Variants in SRD5A1 observed in about 807,000 individuals in gnomAD.
SRD5A1 encodes the protein 3-oxo-5-alpha-steroid 4-dehydrogenase 1.
Under a neutral mutation model 28.2 loss-of-function variants are expected in SRD5A1, and 22 were observed. That is an observed-to-expected ratio of 0.78 (90% CI 0.56 to 1.12). The LOEUF (loss-of-function observed/expected upper bound fraction) is 1.12. Ranked by LOEUF, SRD5A1 falls within the 50% of genes most tolerant of loss-of-function variation. The probability of loss-of-function intolerance (pLI) is 0.00; values close to 1 mark genes in which losing one functional copy is unlikely to be tolerated. For missense variants in SRD5A1, 300 were observed against 346.7 expected (o/e 0.87, Z 1.07); for synonymous variants, 151 against 135.0 (o/e 1.12, Z -0.82).
chr5:6,637,296 T>G (rs1392328133), intron 1 of SRD5A1, among the ~76,000 whole-genome samples: 1 of 152,290 alleles, frequency 6.6e-6, no homozygotes, highest in Admixed American at 6.5e-5. Context: ...GCATTTACCC[T>G]GTTCCCTGGC....
intron 1 of SRD5A1, among the ~76,000 whole-genome samples, chr5:6,644,433 G>A (rs1738448304): frequency 6.6e-6 from 1 of 151,996 alleles, no homozygotes; most frequent in Non-Finnish European, 1.5e-5. Context: ...CCTCTATCCT[G>A]CAGTTTGCCT....
At chr5:6,648,352 G>A (rs887019104) in intron 1 of SRD5A1, among the ~76,000 whole-genome samples, 1 of 152,152 alleles carries the variant, frequency 6.6e-6, no homozygotes, top group Non-Finnish European at 1.5e-5. Context: ...AAGTTCTCCT[G>A]GATAATATCC....
At chr5:6,656,045 A>T in intron 2 of SRD5A1, 33 bp from the exon 3 acceptor site, 1 of 1,544,560 alleles carries the variant, frequency 6.5e-7, no homozygotes, top group Non-Finnish European at 9.0e-7. Flanking sequence ...ACGGTTTATT[A>T]GCCATAATCA....
At position 6,669,120 on chromosome 5, in the gene SRD5A1, T is replaced by G. The variant is rs1385645663; in HGVS notation, c.*852T>G. 1 of 152,276 alleles carries G rather than the reference T, an allele frequency of 6.6e-6. No individual in the cohort carries two copies. Among genetic ancestry groups the G allele is most frequent in the Non-Finnish European group, 1.5e-5 (1 of 68,060 alleles). 9.4% of individuals were successfully genotyped at this position (152,276 alleles called of 1,614,324 possible). On this transcript the variant is annotated 3_prime_UTR_variant, in exon 5 of 5. Transcript: ENST00000274192. ...CGTATGGATATAGTAGAGATTGTTG[T>G]CTGTGAAATTTCTCTTTTGTAGATT...
chr5:6,659,400 A>C (rs1738936328), intron 3 of SRD5A1, among the ~76,000 whole-genome samples: 1 of 152,246 alleles, frequency 6.6e-6, no homozygotes, highest in African/African-American at 2.4e-5. Context: ...GGCGTGAGCC[A>C]CCGTGCCCGG....
rs1739439956 is a variant in SRD5A1 at position 6,674,133 on chromosome 5, TTTAC to T, written c.*5869_*5872del. 6.6e-6 allele frequency: 1 copy of T among 151,726 alleles called. No homozygotes were observed. Among genetic ancestry groups the T allele is most frequent in the Non-Finnish European group, 1.5e-5 (1 of 67,912 alleles). 9.4% of individuals were successfully genotyped at this position (151,726 alleles called of 1,614,324 possible). A position where few individuals can be genotyped will look rare whatever the true frequency, so the allele number is the denominator to read the frequency against. Reference sequence around the variant, plus strand: ...ATATTATTTAATTAAAATGATTTATTTTACTTATTTTCATTATTATCTAAAATGT... The same window carrying T: ...ATATTATTTAATTAAAATGATTTATTTTATTTTCATTATTATCTAAAATGT... On this transcript the variant is annotated 3_prime_UTR_variant, in exon 5 of 5. Transcript: ENST00000274192.
intron 4 of SRD5A1, among the ~76,000 whole-genome samples, chr5:6,665,850 A>G (rs928777265): frequency 1.3e-5 from 2 of 152,238 alleles, no homozygotes; most frequent in African/African-American, 2.4e-5. Flanking sequence ...TATCTAAATG[A>G]AAGTCTTTGC....
chr5:6,639,934 T>A (rs1274751182), intron 1 of SRD5A1, among the ~76,000 whole-genome samples: 6 of 152,240 alleles, frequency 3.9e-5, no homozygotes, highest in African/African-American at 1.4e-4. Flanking sequence ...TTGCTTTTAA[T>A]AAGTTTTTTT....
At chr5:6,646,698 C>G (rs1039175821) in intron 1 of SRD5A1, among the ~76,000 whole-genome samples, 6 of 151,968 alleles carry the variant, frequency 3.9e-5, no homozygotes, top group Non-Finnish European at 8.8e-5. Context: ...AGCAGTCTAT[C>G]TATTTTGTTG....
intron 1 of SRD5A1, among the ~76,000 whole-genome samples, chr5:6,645,994 G>A (rs1463157522): frequency 1.3e-5 from 2 of 151,480 alleles, no homozygotes; most frequent in South Asian, 2.1e-4. Flanking sequence ...TCCTTCCCCC[G>A]ATCCCCCACC....
At chr5:6,640,710 A>G (rs935132705) in intron 1 of SRD5A1, among the ~76,000 whole-genome samples, 2 of 152,182 alleles carry the variant, frequency 1.3e-5, no homozygotes, top group Non-Finnish European at 1.5e-5. Context: ...AAATTATAAC[A>G]TGACAGAGAA....
In SRD5A1 at chr5:6,633,662, C is replaced by T. The variant is rs1394495927; in HGVS notation, c.86C>T (p.Ala29Val). ...LQCAVGCAVF[A>V]RNRQTNSVYG... ...TGCGCCGTGGGCTGCGCGGTCTTCG[C>T]GCGCAATCGTCAGACGAACTCAGTG... is the stretch of plus-strand genomic sequence containing the variant. Residue 29 changes from alanine (A) to valine (V), a missense_variant, in exon 1 of 5, where the codon GCG (alanine) becomes GTG (valine). Around this residue, in one of 2 missense-constraint regions of SRD5A1, gnomAD observed 174 missense variants for 160.9 expected, o/e 1.08. Transcript: ENST00000274192. 1 of 1,577,668 alleles carries T rather than the reference C, an allele frequency of 6.3e-7. No individual in the cohort carries two copies. Among genetic ancestry groups the T allele is most frequent in the Non-Finnish European group, 8.6e-7 (1 of 1,169,534 alleles).
chr5:6,633,891 C>A, intron 1 of SRD5A1, 22 bp downstream of exon 1: 3 of 1,594,782 alleles, frequency 1.9e-6, no homozygotes, highest in Non-Finnish European at 2.5e-6. Context: ...GGCCCCCGGC[C>A]CCCTACCCTA....
At chr5:6,636,218 T>C (rs1250204270) in intron 1 of SRD5A1, among the ~76,000 whole-genome samples, 5 of 152,170 alleles carry the variant, frequency 3.3e-5, no homozygotes, top group Admixed American at 6.5e-5. Flanking sequence ...TTGATCTAAG[T>C]CATGAGCACT....
At chr5:6,666,806 C>T (rs1409665387) in intron 4 of SRD5A1, among the ~76,000 whole-genome samples, 2 of 152,128 alleles carry the variant, frequency 1.3e-5, no homozygotes, top group African/African-American at 4.8e-5. Flanking sequence ...GGTGGGGGGG[C>T]GCGTTTTCTC....
rs140513363 is a variant in SRD5A1, at chr5:6,637,795, G to A, written c.293+3926G>A. On this transcript the variant is annotated intron_variant, in intron 1 of 4. Transcript: ENST00000274192. ...CAGAGGCCTCCTCTTTCTGACACCT[G>A]TCCCAGGTTTGTACTCAGCCAGGTC... Among the ~76,000 whole-genome samples, 1,100 of 152,318 alleles carry A rather than the reference G, an allele frequency of 7.2e-3. 7 individuals carry two copies. The highest frequency in any genetic ancestry group is 0.01 in the Non-Finnish European group (690 of 68,036).
intron 4 of SRD5A1, among the ~76,000 whole-genome samples, chr5:6,664,302 G>C (rs1739096025): frequency 1.3e-5 from 2 of 152,166 alleles, no homozygotes; most frequent in Admixed American, 1.3e-4. Flanking sequence ...TGGTATAGTG[G>C]GAAGAGTACC....
intron 1 of SRD5A1, among the ~76,000 whole-genome samples, chr5:6,643,256 A>C (rs1738415930): frequency 2.0e-5 from 3 of 151,780 alleles, no homozygotes; most frequent in Non-Finnish European, 4.4e-5. Context: ...ACATCCATAG[A>C]CTCACCCAGA....
At chr5:6,658,637 C>T (rs1011231050) in intron 3 of SRD5A1, among the ~76,000 whole-genome samples, 4 of 152,180 alleles carry the variant, frequency 2.6e-5, no homozygotes, top group African/African-American at 9.6e-5. Flanking sequence ...ACATGGGACA[C>T]ATGAGACTTA....
Sources: gnomAD v4.1 joint callset for allele counts (sites outside exome capture counted in the v4.1 genomes callset) on GRCh38, gnomAD v4.1.1 for gene constraint, gnomAD v4.1.1 regional missense constraint, MANE v1.5 for transcripts, NCBI Gene and HGNC (gene_info 2026-07-23, HGNC 2026-07-21) for gene names.